WDFY4: variants seen among roughly 807,000 people sequenced by gnomAD.
WDFY4 encodes WDFY family member 4.
WDFY4 carries 169 observed loss-of-function variants against 351.9 expected under a neutral mutation model. The ratio of observed to expected loss-of-function variants is 0.48; its 90% CI spans 0.42 to 0.55. The LOEUF (loss-of-function observed/expected upper bound fraction) is 0.55, where lower values mean the gene tolerates loss of function less well. WDFY4 is among the 20% of genes least tolerant of loss of function. The pLI is 0.00. For missense variants in WDFY4, 3,803 were observed against 3,935.6 expected (o/e 0.97, Z 0.90); for synonymous variants, 1,622 against 1,574.6 (o/e 1.03, Z -0.71).
At chr10:48,938,684 G>A (rs1044429297) in intron 47 of WDFY4, among the ~76,000 whole-genome samples, 16 of 152,230 alleles carry the variant, frequency 1.1e-4, no homozygotes, top group African/African-American at 3.6e-4. Flanking sequence ...AAGGCCACAT[G>A]GCAGTAGCGC....
At chr10:48,724,528 A>G (rs534177151) in intron 5 of WDFY4, among the ~76,000 whole-genome samples, 3 of 152,098 alleles carry the variant, frequency 2.0e-5, no homozygotes, top group Admixed American at 2.0e-4. Context: ...CACTTTCACA[A>G]ATGTTTACTG....
chr10:48,981,527 C>T (rs1198987854), intron 61 of WDFY4, 49 bp downstream of exon 61: 1 of 1,530,200 alleles, frequency 6.5e-7, no homozygotes, highest in Admixed American at 2.0e-5. Flanking sequence ...GCACTGCAGC[C>T]ACCTTTAGGA....
intron 39 of WDFY4, among the ~76,000 whole-genome samples, chr10:48,859,741 C>T (rs922229122): frequency 2.6e-5 from 4 of 152,268 alleles, no homozygotes; most frequent in African/African-American, 9.6e-5. Context: ...ATATCATCTC[C>T]TACTCTATTT....
At chr10:48,856,758 GATAGC>G (rs1282148828) in intron 39 of WDFY4, among the ~76,000 whole-genome samples, 1 of 152,116 alleles carries the variant, frequency 6.6e-6, no homozygotes, top group Non-Finnish European at 1.5e-5. Flanking sequence ...AGAACATACA[GATAGC>G]ATATATGGGA....
In WDFY4 at chr10:48,776,869, G is replaced by A. The variant is rs2066048699; in HGVS notation, c.2983G>A (p.Ala995Thr). 6.4e-7 allele frequency: 1 copy of A among 1,551,742 alleles called. No homozygotes were observed. Among genetic ancestry groups the A allele is most frequent in the African/African-American group, 1.4e-5 (1 of 73,042 alleles). ...PLGESQDSTT[A>T]LQTALSLISM... ...GGGGGAATCCCAGGATTCAACTACT[G>A]CTCTTCAGACGGCGCTGAGCCTCAT... Residue 995 changes from alanine (A) to threonine (T), a missense_variant, in exon 16 of 62, where the codon GCT becomes ACT. Coordinates refer to ENST00000325239, the MANE Select transcript of WDFY4 (RefSeq NM_001394531.1).
Position 48,810,703 on chromosome 10 carries a change from A to T in WDFY4, c.5012A>T (p.Glu1671Val). Residue 1671 changes from glutamate (E) to valine (V), a missense_variant, in exon 29 of 62, where the codon GAA becomes GTA. Physicochemically the swap from Glu to Val is moderately radical, Grantham distance 121. Transcript: ENST00000325239. ...GGCCTGTGTGCAGGATCCTGGGTGG[A>T]ACGCAGCACTGAGGGCGTGGATATT... Reference protein sequence around the residue: ...RDGLCAGSWVERSTEGVDIVM... With the variant: ...RDGLCAGSWVVRSTEGVDIVM... 6.5e-7 allele frequency: 1 copy of T among 1,547,408 alleles called. No homozygotes were observed. The highest frequency in any genetic ancestry group is 2.0e-5 in the Admixed American group (1 of 49,908).
chr10:48,821,049 G>T lies in WDFY4; in HGVS notation c.5710-13G>T. ...CCTGTGGTTGCTGTCTCAGTCCCGG[G>T]CTGTGCTTCCAGGCTTCTCCAGACC... On this transcript the variant is annotated splice_polypyrimidine_tract_variant and intron_variant, in intron 33 of 61. Coordinates refer to ENST00000325239, the MANE Select transcript of WDFY4 (RefSeq NM_001394531.1). The T allele has an allele frequency of 6.5e-7, 1 of 1,547,496 alleles. No individual in the cohort carries two copies.
Position 48,901,849 on chromosome 10 carries a change from C to G in WDFY4, c.7572C>G (p.Asp2524Glu). The G allele has an allele frequency of 3.2e-6, 5 of 1,551,580 alleles. No individual in the cohort carries two copies. Among genetic ancestry groups the G allele is most frequent in the Non-Finnish European group, 4.4e-6 (5 of 1,146,870 alleles). Reference protein sequence around the residue: ...PSLKGKATSEDTLSLRRYPGS... With the variant: ...PSLKGKATSEETLSLRRYPGS... The stretch of plus-strand genomic sequence containing the variant: ...TGAAGGGGAAAGCCACCTCGGAGGA[C>G]ACCCTCAGTCTAAGGTAATGGCGGG... The change falls in exon 47 of 62, where the codon GAC becomes GAG. Residue 2524 changes from aspartate (D) to glutamate (E), a missense_variant. Around this residue, in one of 3 missense-constraint regions of WDFY4, gnomAD observed 3,054 missense variants for 3,148.6 expected, o/e 0.97. Coordinates refer to ENST00000325239, the MANE Select transcript of WDFY4 (RefSeq NM_001394531.1).
chr10:48,981,625 C>T (rs545623610), intron 61 of WDFY4, 147 bp downstream of exon 61: 3 of 706,586 alleles, frequency 4.2e-6, no homozygotes, highest in South Asian at 1.9e-5. Context: ...GGAAGCAGCC[C>T]GTGTGGCCAT....
At chr10:48,771,102 T>A (rs2065850569) in intron 13 of WDFY4, among the ~76,000 whole-genome samples, 1 of 152,248 alleles carries the variant, frequency 6.6e-6, no homozygotes, top group Non-Finnish European at 1.5e-5. Flanking sequence ...CCCATGTGTT[T>A]GGAAGGCAGG....
intron 53 of WDFY4, among the ~76,000 whole-genome samples, chr10:48,963,162 C>A (rs1841936041): frequency 6.6e-6 from 1 of 152,194 alleles, no homozygotes; most frequent in Admixed American, 6.5e-5. Context: ...ATTATACCTG[C>A]CACCAAAAGG....
intron 1 of WDFY4, among the ~76,000 whole-genome samples, chr10:48,687,399 G>A (rs531015976): frequency 1.3e-5 from 2 of 151,180 alleles, no homozygotes; most frequent in South Asian, 2.2e-4. Context: ...TACTTGTTAT[G>A]TGTTATCTAA....
chr10:48,949,223 A>G (rs760044109), intron 51 of WDFY4, among the ~76,000 whole-genome samples: 5 of 152,180 alleles, frequency 3.3e-5, no homozygotes, highest in African/African-American at 1.2e-4. Flanking sequence ...CTGTCTCTAC[A>G]TGCTTCTAAA....
chr10:48,756,197 T>C (rs2065331027), intron 12 of WDFY4, among the ~76,000 whole-genome samples: 2 of 152,068 alleles, frequency 1.3e-5, no homozygotes, highest in Non-Finnish European at 2.9e-5. Context: ...TCTTTGATTC[T>C]TTCATCAAAG....
chr10:48,864,738 G>A (rs1288659305), intron 39 of WDFY4, among the ~76,000 whole-genome samples: 1 of 152,100 alleles, frequency 6.6e-6, no homozygotes, highest in East Asian at 1.9e-4. Context: ...ATTAATTTAG[G>A]TCTTCCAGTG....
chr10:48,895,581 G>A (rs971803580), intron 44 of WDFY4, among the ~76,000 whole-genome samples: 1 of 152,212 alleles, frequency 6.6e-6, no homozygotes, highest in Admixed American at 6.5e-5. Context: ...TGCCCCAGAT[G>A]TTCAGAAATG....
At chr10:48,916,527 T>C (rs1318079018) in intron 47 of WDFY4, among the ~76,000 whole-genome samples, 2 of 152,176 alleles carry the variant, frequency 1.3e-5, no homozygotes, top group East Asian at 3.9e-4. Flanking sequence ...GGTTGCTTTG[T>C]TTTCTCTACC....
At chr10:48,954,441 C>T (rs1841488353) in intron 51 of WDFY4, among the ~76,000 whole-genome samples, 1 of 152,228 alleles carries the variant, frequency 6.6e-6, no homozygotes, top group African/African-American at 2.4e-5. Context: ...CAGGAATTCT[C>T]TTTGATCACT....
chr10:48,756,916 G>C (rs1046209843), intron 12 of WDFY4, among the ~76,000 whole-genome samples: 1 of 151,948 alleles, frequency 6.6e-6, no homozygotes, highest in African/African-American at 2.4e-5. Flanking sequence ...GTGTTTTTCT[G>C]TTTTCAATAT....
Sources: allele counts gnomAD v4.1 joint callset (sites outside exome capture counted in the v4.1 genomes callset), GRCh38; gene constraint gnomAD v4.1.1; regional missense constraint gnomAD v4.1.1; transcripts MANE v1.5; gene names NCBI Gene and HGNC (gene_info 2026-07-23, HGNC 2026-07-21).